The following CCAR1 variants were observed in gnomAD, a reference collection of about 807,000 sequenced individuals.
The protein encoded by CCAR1 is cell division cycle and apoptosis regulator protein 1.
Under a neutral mutation model 163.8 loss-of-function variants are expected in CCAR1, and 78 were observed. That is an observed-to-expected ratio of 0.48 (90% CI 0.40 to 0.57). The LOEUF is 0.57. CCAR1 is among the 20% of genes least tolerant of loss of function. The pLI is 0.00. For synonymous variants in CCAR1, 443 were observed against 460.7 expected, an observed-to-expected ratio of 0.96 and a Z score of 0.49; for missense variants, 1,019 against 1,365.2, an observed-to-expected ratio of 0.75 and a Z score of 4.00.
intron 10 of CCAR1, among the ~76,000 whole-genome samples, chr10:68,753,094 T>TTAGTTGTCCTTAAAAAAGACAATG (rs1554820642): frequency 6.6e-6 from 1 of 151,564 alleles, no homozygotes; most frequent in Admixed American, 6.6e-5. Context: ...ACTTCTGCTT[T>TTAGTTGTCCTTAAAAAAGACAATG]TAGTTGTCTT....
chr10:68,773,575 A>C (rs2056628236), intron 19 of CCAR1, among the ~76,000 whole-genome samples: 1 of 152,020 alleles, frequency 6.6e-6, no homozygotes, highest in East Asian at 1.9e-4. Flanking sequence ...CTGAGGCAGG[A>C]GAATCACTTG....
At position 68,754,842 on chromosome 10, in the gene CCAR1, T is replaced by C. The variant is rs2056379384; in HGVS notation, c.1458+15T>C. ...GACTTGTTAAGGTAAAAGGACACAT[T>C]TGTTTTAACTTTAGATGTATTCACT... On this transcript the variant is annotated intron_variant, in intron 12 of 24. Transcript: ENST00000265872. 7.3e-7 allele frequency: 1 copy of C among 1,374,958 alleles called. No individual in the cohort carries two copies. Among genetic ancestry groups the C allele is most frequent in the Non-Finnish European group, 1.0e-6 (1 of 963,040 alleles). 85.2% of individuals were successfully genotyped at this position (1,374,958 alleles called of 1,614,324 possible).
At chr10:68,737,473 G>A (rs575401700) in intron 3 of CCAR1, among the ~76,000 whole-genome samples, 1 of 149,246 alleles carries the variant, frequency 6.7e-6, no homozygotes, top group Non-Finnish European at 1.5e-5. Flanking sequence ...ACTGCACTCT[G>A]GGAGGCAGAG....
intron 19 of CCAR1, among the ~76,000 whole-genome samples, chr10:68,775,405 G>T (rs181402584): frequency 6.6e-6 from 1 of 151,024 alleles, no homozygotes; most frequent in African/African-American, 2.4e-5. Context: ...TCTCTCCCCT[G>T]TACGCCCAGT....
chr10:68,724,032 C>T (rs2055902870), intron 2 of CCAR1, among the ~76,000 whole-genome samples: 1 of 151,694 alleles, frequency 6.6e-6, no homozygotes, highest in African/African-American at 2.4e-5. Flanking sequence ...GTGGTGCATG[C>T]CTGTAATCCT....
At chr10:68,749,114 T>C in intron 8 of CCAR1, 22 bp from the exon 9 acceptor site, 1 of 1,613,876 alleles carries the variant, frequency 6.2e-7, no homozygotes, top group African/African-American at 1.3e-5. Context: ...CGCTAAACGT[T>C]TTTTTCTTTT....
chr10:68,786,500 A>C, intron 20 of CCAR1, 46 bp from the exon 21 acceptor site: 1 of 1,423,770 alleles, frequency 7.0e-7, no homozygotes, highest in Non-Finnish European at 9.5e-7. Context: ...GGGGGTAAAA[A>C]ATTTGAAATT....
intron 2 of CCAR1, among the ~76,000 whole-genome samples, chr10:68,728,300 A>ATT (rs34518553): frequency 6.8e-6 from 1 of 147,108 alleles, no homozygotes; most frequent in Non-Finnish European, 1.5e-5. Context: ...TCATTTTTTG[A>ATT]TTTTTTTTTT....
intron 16 of CCAR1, 44 bp from the exon 17 acceptor site, chr10:68,765,844 C>T: frequency 2.2e-6 from 3 of 1,379,484 alleles, no homozygotes; most frequent in East Asian, 4.6e-5. Flanking sequence ...GTATATACAT[C>T]CTACTTGCAG....
chr10:68,742,539 T>C lies in CCAR1; in HGVS notation c.488T>C (p.Phe163Ser). 1.2e-6 allele frequency: 2 copies of C among 1,613,890 alleles called. No individual in the cohort carries two copies. Among genetic ancestry groups the C allele is most frequent in the Non-Finnish European group, 1.7e-6 (2 of 1,179,864 alleles). ...ACAAAACTACATGATACGTTTGGATTTGTGGATGAAGATGTATTCTTTCAG... is the reference window on the plus strand; with the variant it reads ...ACAAAACTACATGATACGTTTGGATCTGTGGATGAAGATGTATTCTTTCAG... ...VVTKLHDTFG[F>S]VDEDVFFQLS... Residue 163 changes from phenylalanine (F) to serine (S), a missense_variant, in exon 6 of 25, where the codon TTT becomes TCT. Phe to Ser is a radical substitution (Grantham distance 155). This residue lies in a region of CCAR1 where 644 missense variants were observed against 904.4 expected (regional missense o/e 0.71). Transcript: ENST00000265872.
chr10:68,736,781 TGGG>T, intron 2 of CCAR1, 92 bp from the exon 3 acceptor site: 2 of 1,015,504 alleles, frequency 2.0e-6, no homozygotes, highest in Non-Finnish European at 2.9e-6. Flanking sequence ...GGAGTGAACA[TGGG>T]GGTGCGGGTA....
At chr10:68,721,556 C>T (rs1409674162) in intron 1 of CCAR1, 5 of 448,864 alleles carry the variant, frequency 1.1e-5, no homozygotes, top group Middle Eastern at 7.1e-4. Context: ...CTGCAGTCCG[C>T]CGCCCCATTG....
chr10:68,785,057 A>G (rs920588335), intron 19 of CCAR1, among the ~76,000 whole-genome samples: 3 of 150,878 alleles, frequency 2.0e-5, no homozygotes, highest in African/African-American at 4.9e-5. Context: ...AGCTGGGACT[A>G]CAGACGCCGG....
In CCAR1 at chr10:68,787,877, CAAG is replaced by C; in HGVS notation, c.2881-47_2881-45del. The C allele has an allele frequency of 2.0e-6, 3 of 1,522,424 alleles. 1 individual carries two copies. Among genetic ancestry groups the C allele is most frequent in the Non-Finnish European group, 1.8e-6 (2 of 1,123,218 alleles). 94.3% of individuals were successfully genotyped at this position (1,522,424 alleles called of 1,614,324 possible). ...TATATCATAGTTTTTCTAAGAGAAT[CAAG>C]AAATGTATTTTCATCTCTGTATTTT... is the stretch of plus-strand genomic sequence containing the variant. On this transcript the variant is annotated intron_variant, in intron 21 of 24. Transcript: ENST00000265872.
intron 2 of CCAR1, among the ~76,000 whole-genome samples, chr10:68,732,647 C>T (rs1024033851): frequency 6.6e-6 from 1 of 152,188 alleles, no homozygotes; most frequent in African/African-American, 2.4e-5. Flanking sequence ...CCATGCCTGG[C>T]CAGAACAGTT....
At chr10:68,734,833 G>A (rs2056086477) in intron 2 of CCAR1, among the ~76,000 whole-genome samples, 1 of 152,050 alleles carries the variant, frequency 6.6e-6, no homozygotes, top group African/African-American at 2.4e-5. Context: ...TTTACCTAAA[G>A]TTTCTGCATT....
chr10:68,728,779 A>T (rs1589152455), intron 2 of CCAR1, among the ~76,000 whole-genome samples: 1 of 152,052 alleles, frequency 6.6e-6, no homozygotes, highest in Non-Finnish European at 1.5e-5. Flanking sequence ...ACCTGGTGAA[A>T]CCCTGCCTCT....
intron 6 of CCAR1, among the ~76,000 whole-genome samples, chr10:68,745,281 C>T (rs1248180914): frequency 1.3e-5 from 2 of 152,126 alleles, no homozygotes; most frequent in Non-Finnish European, 1.5e-5. Context: ...CCTGGGATTA[C>T]AGGCATGAGC....
intron 13 of CCAR1, among the ~76,000 whole-genome samples, chr10:68,755,980 T>C (rs1292853194): frequency 6.6e-6 from 1 of 152,224 alleles, no homozygotes; most frequent in East Asian, 1.9e-4. Context: ...AATATTCTTT[T>C]TTAGCACATG....
Sources: gnomAD v4.1 joint callset for allele counts (sites outside exome capture counted in the v4.1 genomes callset) on GRCh38, gnomAD v4.1.1 for gene constraint, gnomAD v4.1.1 regional missense constraint, MANE v1.5 for transcripts, NCBI Gene and HGNC (gene_info 2026-07-23, HGNC 2026-07-21) for gene names.